Variants in ZNF90 observed in about 807,000 individuals in gnomAD.
The protein encoded by ZNF90 is zinc finger protein 90.
Under a neutral mutation model 12.0 loss-of-function variants are expected in ZNF90, and 11 were observed. The observed-to-expected ratio is 0.92, with a 90% CI of 0.58 to 1.52. ZNF90 has a LOEUF of 1.52. Ranked by LOEUF, ZNF90 falls within the 40% of genes most tolerant of loss-of-function variation. The pLI is 0.00. For synonymous variants in ZNF90, 232 were observed against 240.1 expected, an observed-to-expected ratio of 0.97 and a Z score of 0.31; for missense variants, 765 against 711.5, an observed-to-expected ratio of 1.08 and a Z score of -0.86.
rs533994190 is a variant in ZNF90 at position 20,119,464 on chromosome 19, T to G, written c.*104T>G. ...CCTTTGACCACCCCTCTACTCTTAC[T>G]AAATATGAGAATTTATATGAAACAT... On this transcript the variant is annotated 3_prime_UTR_variant, in exon 4 of 4. Transcript: ENST00000418063. 14 of 924,032 alleles carry G rather than the reference T, an allele frequency of 1.5e-5. No homozygotes were observed. The highest frequency in any genetic ancestry group is 3.4e-5 in the African/African-American group (2 of 59,488). The allele number at this position is 924,032 out of a possible 1,614,324, so 57.2% of individuals were successfully genotyped here. A position where few individuals can be genotyped will look rare whatever the true frequency, so the allele number is the denominator to read the frequency against.
intron 3 of ZNF90, among the ~76,000 whole-genome samples, chr19:20,110,785 A>C (rs1352467793): frequency 6.6e-6 from 1 of 151,838 alleles, no homozygotes; most frequent in Non-Finnish European, 1.5e-5. Flanking sequence ...GTTCTCTATA[A>C]ATAGTTTTTT....
chr19:20,080,189 C>T, intron 1 of ZNF90: 1 of 514,596 alleles, frequency 1.9e-6, no homozygotes, highest in Non-Finnish European at 3.8e-6. Flanking sequence ...AGGGGCAGCA[C>T]ATAATGGGAC....
chr19:20,079,511 G>A (rs748502607), intron 1 of ZNF90, among the ~76,000 whole-genome samples: 47 of 152,088 alleles, frequency 3.1e-4, no homozygotes, highest in Non-Finnish European at 5.4e-4. Flanking sequence ...AAAGTATAAC[G>A]TCTTTATGGC....
chr19:20,078,627 TCAAAGACG>T (rs139291899), intron 1 of ZNF90, among the ~76,000 whole-genome samples: 4,202 of 151,724 alleles, frequency 0.028, 192 homozygotes, highest in African/African-American at 0.096. Context: ...TAGTTCTTCT[TCAAAGACG>T]CAACTTCCTG....
rs143305769 is a variant in ZNF90, at chr19:20,085,268, C to CTTTTTTTTTCTTTTTTTT, written c.3+7142_3+7143insCTTTTTTTTTTTTTTTTT. On this transcript the variant is annotated intron_variant, in intron 1 of 3. Coordinates refer to ENST00000418063, the MANE Select transcript of ZNF90 (RefSeq NM_007138.2). ...GGCCTCTCTGTTCTGTTGCATTGGT[C>CTTTTTTTTTCTTTTTTTT]TTTTTTTTTTAGACGGAGTCTCGCT... is the stretch of plus-strand genomic sequence containing the variant. 1.4e-3 allele frequency among the ~76,000 whole-genome samples: 193 copies of CTTTTTTTTTCTTTTTTTT among 135,568 alleles called. 3 individuals are homozygous for CTTTTTTTTTCTTTTTTTT. Among genetic ancestry groups the CTTTTTTTTTCTTTTTTTT allele is most frequent in the African/African-American group, 5.6e-3 (190 of 34,216 alleles). 88.9% of individuals were successfully genotyped at this position (135,568 alleles called of 152,430 possible). A position where few individuals can be genotyped will look rare whatever the true frequency, so the allele number is the denominator to read the frequency against.
chr19:20,097,300 G>T (rs1173685410), intron 1 of ZNF90, among the ~76,000 whole-genome samples: 1 of 152,200 alleles, frequency 6.6e-6, no homozygotes, highest in Non-Finnish European at 1.5e-5. Flanking sequence ...ATTTACTCTA[G>T]AGGGGACTTT....
rs2088791525 is a variant in ZNF90 at position 20,078,126 on chromosome 19, C to T, written c.-7C>T. 1.2e-6 allele frequency: 2 copies of T among 1,614,116 alleles called. No homozygotes were observed. Among genetic ancestry groups the T allele is most frequent in the Admixed American group, 1.7e-5 (1 of 60,010 alleles). ...TCCACAGCTGAGGGACCCCCGGAAGCCTAGAAATGGTGAGAGTGCCTTTCC... is the reference window on the plus strand; with the variant it reads ...TCCACAGCTGAGGGACCCCCGGAAGTCTAGAAATGGTGAGAGTGCCTTTCC... On this transcript the variant is annotated 5_prime_UTR_variant, in exon 1 of 4. Coordinates refer to ENST00000418063, the MANE Select transcript of ZNF90 (RefSeq NM_007138.2).
chr19:20,091,894 G>A (rs1332746625), intron 1 of ZNF90, among the ~76,000 whole-genome samples: 1 of 152,198 alleles, frequency 6.6e-6, no homozygotes, highest in Non-Finnish European at 1.5e-5. Flanking sequence ...AGGTAGTGGA[G>A]GGAGGCAGAG....
At chr19:20,095,252 C>T (rs1555703126) in intron 1 of ZNF90, among the ~76,000 whole-genome samples, 1 of 152,202 alleles carries the variant, frequency 6.6e-6, no homozygotes, top group East Asian at 1.9e-4. Flanking sequence ...AGACCATTTG[C>T]CCATTTTTCG....
intron 3 of ZNF90, among the ~76,000 whole-genome samples, chr19:20,105,581 ATAT>A (rs1468596127): frequency 6.6e-6 from 1 of 152,220 alleles, no homozygotes; most frequent in Non-Finnish European, 1.5e-5. Context: ...TCTTCATGGC[ATAT>A]AAGAGACTGC....
Position 20,118,395 on chromosome 19 carries a change from G to A in ZNF90, c.841G>A (p.Gly281Arg), listed in dbSNP as rs781899741. ...TACTGCACATAAGAGAATTCATACT[G>A]GAGAGAAACCCTACAAGTGTGATAA... ...TLTAHKRIHT[G>R]EKPYKCDKCG... Residue 281 changes from glycine to arginine, a missense_variant, in exon 4 of 4, where the codon GGA becomes AGA. By Grantham distance (125) the Gly-to-Arg change is moderately radical (BLOSUM62 -2). Coordinates refer to ENST00000418063, the MANE Select transcript of ZNF90 (RefSeq NM_007138.2). 8 of 1,607,130 alleles carry A rather than the reference G, an allele frequency of 5.0e-6. No individual in the cohort carries two copies. In the African/African-American group the frequency reaches 1.1e-4, roughly 22 times the overall value.
At chr19:20,117,424 CT>C (rs1555705804) in intron 3 of ZNF90, 1 of 145,818 alleles carries the variant, frequency 6.9e-6, no homozygotes, top group Non-Finnish European at 1.5e-5. Flanking sequence ...TCCTTCCTTT[CT>C]TCCTTCCCTC....
chr19:20,120,175 T>A lies in ZNF90; in HGVS notation c.*815T>A, dbSNP rs2089183436. Among the ~76,000 whole-genome samples the A allele has an allele frequency of 6.6e-6, 1 of 152,212 alleles. No homozygotes were observed. The highest frequency in any genetic ancestry group is 6.5e-5 in the Admixed American group (1 of 15,284). On this transcript the variant is annotated 3_prime_UTR_variant, in exon 4 of 4. Coordinates refer to ENST00000418063, the MANE Select transcript of ZNF90 (RefSeq NM_007138.2). ...ACCTTATTTCACAGGAAAGCTAGTA[T>A]CCTTGAGAAAAATTGCACAATTATA... is the stretch of plus-strand genomic sequence containing the variant.
At chr19:20,100,049 A>G (rs1555703694) in intron 1 of ZNF90, among the ~76,000 whole-genome samples, 1 of 152,098 alleles carries the variant, frequency 6.6e-6, no homozygotes, top group Non-Finnish European at 1.5e-5. Flanking sequence ...GCAAGGTGGG[A>G]CCCTCTATTA....
intron 1 of ZNF90, among the ~76,000 whole-genome samples, chr19:20,083,467 A>AT (rs1416664412): frequency 6.6e-6 from 1 of 151,962 alleles, no homozygotes; most frequent in Non-Finnish European, 1.5e-5. Flanking sequence ...AGCTAGTATT[A>AT]TAGGCGTGCA....
rs2122532047 is a variant in ZNF90 at position 20,118,404 on chromosome 19, C to A, written c.850C>A (p.Pro284Thr). 1 of 1,609,640 alleles carries A rather than the reference C, an allele frequency of 6.2e-7. No individual in the cohort carries two copies. The highest frequency in any genetic ancestry group is 8.5e-7 in the Non-Finnish European group (1 of 1,177,582). Reference protein sequence around the residue: ...AHKRIHTGEKPYKCDKCGRAF... With the variant: ...AHKRIHTGEKTYKCDKCGRAF... ...TAAGAGAATTCATACTGGAGAGAAA[C>A]CCTACAAGTGTGATAAATGTGGCAG... Residue 284 changes from proline (P) to threonine (T), a missense_variant, in exon 4 of 4, where the codon CCC becomes ACC. Transcript: ENST00000418063.
chr19:20,106,945 C>A (rs1555704547), intron 3 of ZNF90: 1 of 454,536 alleles, frequency 2.2e-6, no homozygotes, highest in Admixed American at 2.3e-5. Flanking sequence ...TATTTTTGGA[C>A]AGGCTGAATA....
At chr19:20,092,826 A>G (rs1555702867) in intron 1 of ZNF90, among the ~76,000 whole-genome samples, 3 of 152,244 alleles carry the variant, frequency 2.0e-5, no homozygotes, top group African/African-American at 7.2e-5. Context: ...GAGAATAAAC[A>G]CTGAAGGAGC....
chr19:20,114,648 T>A (rs1266528354), intron 3 of ZNF90, among the ~76,000 whole-genome samples: 3 of 152,166 alleles, frequency 2.0e-5, no homozygotes, highest in Non-Finnish European at 4.4e-5. Context: ...GAAAGTAATC[T>A]ATTTTCAGCT....
Sources: allele counts gnomAD v4.1 joint callset (sites outside exome capture counted in the v4.1 genomes callset), GRCh38; gene constraint gnomAD v4.1.1; transcripts MANE v1.5; gene names NCBI Gene and HGNC (gene_info 2026-07-23, HGNC 2026-07-21).